Variants in SLC25A24 observed in about 807,000 individuals in gnomAD.
The protein encoded by SLC25A24 is mitochondrial adenyl nucleotide antiporter SLC25A24.
A neutral mutation model predicts 60.7 loss-of-function variants in SLC25A24; 49 were observed. That is an observed-to-expected ratio of 0.81 (90% CI 0.64 to 1.02). SLC25A24 has a LOEUF of 1.02. Ranked by LOEUF, SLC25A24 falls within the 50% of genes least tolerant of loss-of-function variation. SLC25A24 has a pLI of 0.00. For missense variants in SLC25A24, 564 were observed against 586.3 expected, an observed-to-expected ratio of 0.96 and a Z score of 0.39; for synonymous variants, 202 against 200.6, an observed-to-expected ratio of 1.01 and a Z score of -0.06.
intron 1 of SLC25A24, among the ~76,000 whole-genome samples, chr1:108,186,286 C>T (rs1397688174): frequency 6.6e-6 from 1 of 152,110 alleles, no homozygotes; most frequent in East Asian, 1.9e-4. Flanking sequence ...ACTTGACCTA[C>T]CACAGGATTT....
intron 3 of SLC25A24, among the ~76,000 whole-genome samples, chr1:108,168,603 G>A (rs576090323): frequency 6.6e-6 from 1 of 152,272 alleles, no homozygotes; most frequent in East Asian, 1.9e-4. Context: ...ATTACTAAAC[G>A]TGTTGAGCAT....
chr1:108,199,703 G>A, intron 1 of SLC25A24: 3 of 552,234 alleles, frequency 5.4e-6, no homozygotes, highest in Non-Finnish European at 9.5e-6. Context: ...AGTGCCCGTG[G>A]GCCAGAGTGT....
Position 108,161,229 on chromosome 1 carries a change from G to C in SLC25A24, c.463C>G (p.Pro155Ala), listed in dbSNP as rs1319830991. 3 of 1,601,728 alleles carry C rather than the reference G, an allele frequency of 1.9e-6. No individual in the cohort carries two copies. Among genetic ancestry groups the C allele is most frequent in the Non-Finnish European group, 1.7e-6 (2 of 1,169,452 alleles). ...ATAATTTCCTCAATGTCTGTAACAG[G>C]ATTAAATAAGAAGTAGTCTCTCCAT... Reference protein sequence around the residue: ...NEWRDYFLFNPVTDIEEIIRF... With the variant: ...NEWRDYFLFNAVTDIEEIIRF... Residue 155 changes from proline (P) to alanine (A), a missense_variant, in exon 4 of 10, where the codon CCT (proline) becomes GCT (alanine). By Grantham distance (27) the Pro-to-Ala change is conservative (BLOSUM62 -1). Transcript: ENST00000565488.
intron 3 of SLC25A24, among the ~76,000 whole-genome samples, chr1:108,166,685 A>T (rs1680264604): frequency 6.6e-6 from 1 of 151,948 alleles, no homozygotes; most frequent in Admixed American, 6.5e-5. Flanking sequence ...TATTCTAGTT[A>T]TACATTCTTC....
chr1:108,170,138 A>G (rs1226799801), intron 3 of SLC25A24, among the ~76,000 whole-genome samples: 2 of 152,198 alleles, frequency 1.3e-5, no homozygotes, highest in Non-Finnish European at 2.9e-5. Context: ...TATAAAATTC[A>G]TACAAGTTCC....
chr1:108,161,233 A>C lies in SLC25A24; in HGVS notation c.459T>G (p.Phe153Leu), dbSNP rs1477349984. ...DWNEWRDYFL[F>L]NPVTDIEEII... Reference sequence around the variant, plus strand: ...TTTCCTCAATGTCTGTAACAGGATTAAATAAGAAGTAGTCTCTCCATTCAT... The same window carrying C: ...TTTCCTCAATGTCTGTAACAGGATTCAATAAGAAGTAGTCTCTCCATTCAT... The change falls in exon 4 of 10, where the codon TTT (phenylalanine) becomes TTG (leucine). Residue 153 changes from phenylalanine to leucine, a missense_variant. Coordinates refer to ENST00000565488, the MANE Select transcript of SLC25A24 (RefSeq NM_013386.5). 6.2e-7 allele frequency: 1 copy of C among 1,603,792 alleles called. No homozygotes were observed. The highest frequency in any genetic ancestry group is 8.5e-7 in the Non-Finnish European group (1 of 1,171,056).
At chr1:108,144,153 G>T (rs1679521096) in intron 7 of SLC25A24, among the ~76,000 whole-genome samples, 1 of 152,064 alleles carries the variant, frequency 6.6e-6, no homozygotes. Context: ...TGAGAGGTGT[G>T]TGGAGTAATA....
Position 108,141,907 on chromosome 1 carries a change from G to A in SLC25A24, c.1098+1636C>T, listed in dbSNP as rs944475780. On this transcript the variant is annotated intron_variant, in intron 8 of 9. Coordinates refer to ENST00000565488, the MANE Select transcript of SLC25A24 (RefSeq NM_013386.5). ...GACTATAGAGTTTAAGTTTTGAGAA[G>A]TGAAAAAGTTCTAGAGATCTGTTGC... Among the ~76,000 whole-genome samples the A allele has an allele frequency of 3.9e-5, 6 of 152,220 alleles. No individual in the cohort carries two copies. In the South Asian group the frequency reaches 1.0e-3, roughly 26 times the overall value.
chr1:108,181,999 A>G lies in SLC25A24; in HGVS notation c.340T>C (p.Ser114Pro). ...GKIEASEIVQ[S>P]LQTLGLTISE... Reference sequence around the variant, plus strand: ...ATAGTCAGACCCAGTGTCTGGAGAGACTGGACAATTTCTGAAGCCTCAATT... The same window carrying G: ...ATAGTCAGACCCAGTGTCTGGAGAGGCTGGACAATTTCTGAAGCCTCAATT... Residue 114 changes from serine (S) to proline (P), a missense_variant, in exon 3 of 10, where the codon TCT (serine) becomes CCT (proline). Physicochemically the swap from Ser to Pro is moderately conservative, Grantham distance 74. Coordinates refer to ENST00000565488, the MANE Select transcript of SLC25A24 (RefSeq NM_013386.5). The G allele has an allele frequency of 6.2e-7, 1 of 1,612,458 alleles. No homozygotes were observed. The highest frequency in any genetic ancestry group is 1.1e-5 in the South Asian group (1 of 90,836).
At chr1:108,163,411 T>C (rs1680146652) in intron 3 of SLC25A24, among the ~76,000 whole-genome samples, 1 of 150,570 alleles carries the variant, frequency 6.6e-6, no homozygotes, top group African/African-American at 2.5e-5. Context: ...ACGATACTGA[T>C]TCTTCCTACC....
At chr1:108,152,848 G>GT (rs2101609189) in intron 6 of SLC25A24, among the ~76,000 whole-genome samples, 1 of 152,330 alleles carries the variant, frequency 6.6e-6, no homozygotes, top group Admixed American at 6.5e-5. Context: ...TGAAAGTGCT[G>GT]TAACAAAAGG....
chr1:108,171,450 T>A (rs1248114504), intron 3 of SLC25A24, among the ~76,000 whole-genome samples: 3 of 152,202 alleles, frequency 2.0e-5, no homozygotes, highest in Non-Finnish European at 4.4e-5. Context: ...CATAGGCCAC[T>A]AGCTAAGAGG....
chr1:108,137,285 GC>G (rs1005338235), intron 9 of SLC25A24, among the ~76,000 whole-genome samples: 3 of 152,206 alleles, frequency 2.0e-5, no homozygotes, highest in African/African-American at 7.2e-5. Flanking sequence ...CTAGACAAGC[GC>G]TGAAGAGAGA....
intron 3 of SLC25A24, among the ~76,000 whole-genome samples, chr1:108,161,973 A>T (rs1680100014): frequency 8.1e-6 from 1 of 123,912 alleles, no homozygotes; most frequent in South Asian, 2.6e-4. Flanking sequence ...CAGTCCCCAG[A>T]GTGTGATGTT....
intron 1 of SLC25A24, among the ~76,000 whole-genome samples, chr1:108,196,586 A>G (rs539493611): frequency 1.1e-4 from 16 of 152,312 alleles, no homozygotes; most frequent in African/African-American, 3.8e-4. Flanking sequence ...TATGACAAAA[A>G]TACTATTGGC....
At chr1:108,178,760 G>A (rs1647804059) in intron 3 of SLC25A24, among the ~76,000 whole-genome samples, 1 of 151,934 alleles carries the variant, frequency 6.6e-6, no homozygotes, top group Non-Finnish European at 1.5e-5. Context: ...CTTGCAGTGA[G>A]CCAAGATCGG....
Position 108,139,254 on chromosome 1 carries a change from T to G in SLC25A24, c.1099-46A>C, listed in dbSNP as rs1427869379. On this transcript the variant is annotated intron_variant, in intron 8 of 9. Transcript: ENST00000565488. ...AAAATAATTAACGAACTCTACAACT[T>G]CAACGTAAACATTTTCACAGCTATT... 3.3e-6 allele frequency: 5 copies of G among 1,537,034 alleles called. No individual in the cohort carries two copies. In the Admixed American group the frequency reaches 7.9e-5, roughly 24 times the overall value.
rs199592657 is a variant in SLC25A24, at chr1:108,179,122, C to CAA, written c.398+2817_398+2818dup. On this transcript the variant is annotated intron_variant, in intron 3 of 9. Transcript: ENST00000565488. ...AAGACATACAAATGGCCAAAAAGTA[C>CAA]AAAAAAAAAAAAAAAGCTCGATATC... is the stretch of plus-strand genomic sequence containing the variant. Among the ~76,000 whole-genome samples, 748 of 84,394 alleles carry CAA rather than the reference C, an allele frequency of 8.9e-3. 7 individuals are homozygous for CAA. The highest frequency in any genetic ancestry group is 0.013 in the Non-Finnish European group (496 of 39,468). 55.4% of individuals were successfully genotyped at this position (84,394 alleles called of 152,430 possible).
At chr1:108,196,952 G>T (rs1297868375) in intron 1 of SLC25A24, among the ~76,000 whole-genome samples, 1 of 152,164 alleles carries the variant, frequency 6.6e-6, no homozygotes, top group Non-Finnish European at 1.5e-5. Flanking sequence ...GTATCTCCTT[G>T]TTCTCACACT....
Sources: gnomAD v4.1 joint callset for allele counts (sites outside exome capture counted in the v4.1 genomes callset) on GRCh38, gnomAD v4.1.1 for gene constraint, MANE v1.5 for transcripts, NCBI Gene and HGNC (gene_info 2026-07-23, HGNC 2026-07-21) for gene names.